Variants in UBE2K observed in about 807,000 individuals in gnomAD.
UBE2K encodes ubiquitin conjugating enzyme E2 K, also known as ubiquitin-conjugating enzyme E2 K.
UBE2K carries 6 observed loss-of-function variants against 30.0 expected under a neutral mutation model. The observed-to-expected ratio is 0.20, with a 90% confidence interval of 0.11 to 0.39. The LOEUF (loss-of-function observed/expected upper bound fraction) is 0.39. Among genes scored for constraint, UBE2K ranks in the 10% least tolerant of loss-of-function variants. The pLI is 1.00. For missense variants in UBE2K, 61 were observed against 241.6 expected, an observed-to-expected ratio of 0.25 and a Z score of 4.96; for synonymous variants, 86 against 83.7, an observed-to-expected ratio of 1.03 and a Z score of -0.15.
rs945815361 is a variant in UBE2K at position 39,782,738 on chromosome 4, T to C, written c.*4304T>C. 2 of 152,128 alleles carry C rather than the reference T, an allele frequency of 1.3e-5. No individual in the cohort carries two copies. Among genetic ancestry groups the C allele is most frequent in the African/African-American group, 2.4e-5 (1 of 41,422 alleles). The allele number at this position is 152,128 out of a possible 1,614,324, so 9.4% of individuals were successfully genotyped here. A position where few individuals can be genotyped will look rare whatever the true frequency, so the allele number is the denominator to read the frequency against. On this transcript the variant is annotated 3_prime_UTR_variant, in exon 7 of 7. Transcript: ENST00000261427. ...CACATTTTTAAAGATGTTGAATTTT[T>C]CCCCCCTTATTGGGAATTCTTAAAA...
intron 4 of UBE2K, among the ~76,000 whole-genome samples, chr4:39,765,936 C>CATAT (rs1491280263): frequency 1.3e-5 from 2 of 151,988 alleles, no homozygotes; most frequent in African/African-American, 2.4e-5. Flanking sequence ...TACATACATA[C>CATAT]ATACACACAC....
At chr4:39,732,911 A>G (rs1163144444) in intron 1 of UBE2K, among the ~76,000 whole-genome samples, 1 of 151,930 alleles carries the variant, frequency 6.6e-6, no homozygotes, top group African/African-American at 2.4e-5. Flanking sequence ...TCTTGCCTCA[A>G]ATGATTCATC....
At chr4:39,738,100 A>C (rs879886567) in intron 2 of UBE2K, among the ~76,000 whole-genome samples, 1 of 152,220 alleles carries the variant, frequency 6.6e-6, no homozygotes, top group Admixed American at 6.5e-5. Context: ...AGATACAGAA[A>C]TAAACCTTAT....
chr4:39,724,884 T>G (rs1457709905), intron 1 of UBE2K, among the ~76,000 whole-genome samples: 1 of 152,202 alleles, frequency 6.6e-6, no homozygotes, highest in Non-Finnish European at 1.5e-5. Flanking sequence ...TGTTTTGTAT[T>G]AACATTTTTT....
At chr4:39,712,195 C>CTT (rs34711359) in intron 1 of UBE2K, among the ~76,000 whole-genome samples, 651 of 58,354 alleles carry the variant, frequency 0.011, 3 homozygotes, top group Middle Eastern at 0.036. Context: ...CACCGACAAC[C>CTT]TTTTTTTTTT....
At chr4:39,731,663 T>TA (rs1438716760) in intron 1 of UBE2K, among the ~76,000 whole-genome samples, 24 of 149,820 alleles carry the variant, frequency 1.6e-4, no homozygotes, top group East Asian at 3.9e-4. Flanking sequence ...CTCAAAAAAA[T>TA]AAAAAAAAAA....
chr4:39,751,623 C>T (rs546495327), intron 3 of UBE2K, among the ~76,000 whole-genome samples: 77 of 152,048 alleles, frequency 5.1e-4, no homozygotes, highest in Non-Finnish European at 1.0e-3. Context: ...TGCAGTGAGC[C>T]GAGATTGCGC....
intron 3 of UBE2K, among the ~76,000 whole-genome samples, chr4:39,751,667 C>T (rs941971896): frequency 6.6e-6 from 1 of 151,814 alleles, no homozygotes; most frequent in Non-Finnish European, 1.5e-5. Context: ...AGAGTAAGAC[C>T]CTGTCTCAAA....
At chr4:39,739,442 ATTTT>A (rs35957337) in intron 2 of UBE2K, among the ~76,000 whole-genome samples, 1 of 105,780 alleles carries the variant, frequency 9.5e-6, no homozygotes. Context: ...CTGTTTATTC[ATTTT>A]TTTTTTTTTT....
chr4:39,703,844 CAAAAAA>C (rs33995934), intron 1 of UBE2K, among the ~76,000 whole-genome samples: 1 of 105,266 alleles, frequency 9.5e-6, no homozygotes, highest in African/African-American at 3.0e-5. Context: ...GACTCCATCT[CAAAAAA>C]AAAAAAAAAA....
Position 39,765,721 on chromosome 4 carries a change from A to G in UBE2K, c.300-9113A>G, listed in dbSNP as rs11947966. ...ACTGTAGTCCCAGCTACTAGGGAGA[A>G]TCGCTTGAACCTGGGAGGCAGAGGT... On this transcript the variant is annotated intron_variant, in intron 4 of 6. Coordinates refer to ENST00000261427, the MANE Select transcript of UBE2K (RefSeq NM_005339.5). Among the ~76,000 whole-genome samples, 4 of 151,956 alleles carry G rather than the reference A, an allele frequency of 2.6e-5. No individual in the cohort carries two copies. The East Asian group carries it at 7.8e-4, about 29-fold the overall frequency.
At position 39,780,130 on chromosome 4, in the gene UBE2K, C is replaced by T. The variant is rs1713530535; in HGVS notation, c.*1696C>T. On this transcript the variant is annotated 3_prime_UTR_variant, in exon 7 of 7. Coordinates refer to ENST00000261427, the MANE Select transcript of UBE2K (RefSeq NM_005339.5). ...TTTTTTCCCCATATGTTTGCTTACG[C>T]ATGTCTTTATACAATCACCTCTTTT... is the stretch of plus-strand genomic sequence containing the variant. The T allele has an allele frequency of 6.6e-6, 1 of 152,164 alleles. No homozygotes were observed. Among genetic ancestry groups the T allele is most frequent in the East Asian group, 1.9e-4 (1 of 5,202 alleles). The allele number at this position is 152,164 out of a possible 1,614,324, so 9.4% of individuals were successfully genotyped here. A position where few individuals can be genotyped will look rare whatever the true frequency, so the allele number is the denominator to read the frequency against.
intron 1 of UBE2K, among the ~76,000 whole-genome samples, chr4:39,732,124 A>G (rs1442472338): frequency 6.6e-6 from 1 of 152,194 alleles, no homozygotes; most frequent in African/African-American, 2.4e-5. Flanking sequence ...TATTACAATG[A>G]TAAATTTAGC....
chr4:39,767,185 C>T (rs991099213), intron 4 of UBE2K, among the ~76,000 whole-genome samples: 9 of 151,974 alleles, frequency 5.9e-5, no homozygotes, highest in Admixed American at 5.2e-4. Context: ...TATGTTTTTG[C>T]TTTCTAGCTC....
intron 3 of UBE2K, among the ~76,000 whole-genome samples, chr4:39,750,899 C>T (rs1437452171): frequency 1.3e-5 from 2 of 151,726 alleles, no homozygotes; most frequent in Non-Finnish European, 2.9e-5. Context: ...CATACCCCAC[C>T]ATGCCTGACT....
chr4:39,700,585 A>G (rs1324001456), intron 1 of UBE2K, among the ~76,000 whole-genome samples: 4 of 152,254 alleles, frequency 2.6e-5, no homozygotes, highest in South Asian at 2.1e-4. Flanking sequence ...GTTATTTTCA[A>G]CTCATTGAAG....
At chr4:39,752,363 G>A (rs1333763472) in intron 3 of UBE2K, among the ~76,000 whole-genome samples, 6 of 114,932 alleles carry the variant, frequency 5.2e-5, no homozygotes, top group African/African-American at 1.8e-4. Context: ...TTGAGACGGC[G>A]TCTGGCTCTG....
chr4:39,726,376 C>G (rs944146754), intron 1 of UBE2K, among the ~76,000 whole-genome samples: 13 of 151,962 alleles, frequency 8.6e-5, no homozygotes, highest in Admixed American at 5.9e-4. Flanking sequence ...TATCATCACC[C>G]AGTTGCTTTT....
At chr4:39,719,489 G>A (rs1001868965) in intron 1 of UBE2K, among the ~76,000 whole-genome samples, 2 of 152,128 alleles carry the variant, frequency 1.3e-5, no homozygotes, top group Non-Finnish European at 2.9e-5. Flanking sequence ...TCTTTGATAG[G>A]TATCTAATTT....
Sources: allele counts gnomAD v4.1 joint callset (sites outside exome capture counted in the v4.1 genomes callset), GRCh38; gene constraint gnomAD v4.1.1; transcripts MANE v1.5; gene names NCBI Gene and HGNC (gene_info 2026-07-23, HGNC 2026-07-21).